PTPRD: variants seen among roughly 807,000 people sequenced by gnomAD.
The protein encoded by PTPRD is receptor-type tyrosine-protein phosphatase delta.
In PTPRD, 34 loss-of-function variants were observed where a neutral mutation model predicts 214.5. The observed-to-expected ratio is 0.16, with a 90% confidence interval of 0.12 to 0.21. The LOEUF is 0.21. PTPRD is among the 10% of genes least tolerant of loss of function. The pLI is 1.00. For missense variants in PTPRD, 2,545 were observed against 2,398.7 expected, an observed-to-expected ratio of 1.06 and a Z score of -1.27; for synonymous variants, 1,128 against 845.7, an observed-to-expected ratio of 1.33 and a Z score of -5.79.
intron 12 of PTPRD, among the ~76,000 whole-genome samples, chr9:8,641,898 G>A (rs915320016): frequency 6.6e-6 from 1 of 152,186 alleles, no homozygotes; most frequent in Non-Finnish European, 1.5e-5. Context: ...AAGACAAGGT[G>A]ATGAGCTCAA....
intron 8 of PTPRD, among the ~76,000 whole-genome samples, chr9:9,544,406 T>C (rs1387589521): frequency 1.3e-5 from 2 of 151,680 alleles, no homozygotes; most frequent in South Asian, 2.1e-4. Flanking sequence ...TTCATTTTGA[T>C]TTTTTAGGTA....
chr9:9,668,744 C>T (rs924416815), intron 7 of PTPRD, among the ~76,000 whole-genome samples: 7 of 152,016 alleles, frequency 4.6e-5, no homozygotes, highest in South Asian at 2.1e-4. Flanking sequence ...AACTGATTTT[C>T]GTTTCATCTT....
chr9:9,660,603 ATTAT>A (rs2096604604), intron 7 of PTPRD, among the ~76,000 whole-genome samples: 2 of 151,980 alleles, frequency 1.3e-5, no homozygotes, highest in African/African-American at 4.8e-5. Flanking sequence ...CCCTAATATG[ATTAT>A]TAAGTAGGCA....
chr9:10,138,339 A>G (rs1018904937), intron 3 of PTPRD, among the ~76,000 whole-genome samples: 1 of 152,086 alleles, frequency 6.6e-6, no homozygotes, highest in African/African-American at 2.4e-5. Context: ...TTGAACCATG[A>G]AAAAATTAAA....
At chr9:10,525,130 G>C (rs903861031) in intron 2 of PTPRD, among the ~76,000 whole-genome samples, 21 of 151,928 alleles carry the variant, frequency 1.4e-4, no homozygotes, top group African/African-American at 4.8e-4. Flanking sequence ...AGAGAATAAA[G>C]TTAGTACATT....
intron 5 of PTPRD, among the ~76,000 whole-genome samples, chr9:9,891,513 A>G (rs1314325369): frequency 6.6e-6 from 1 of 152,086 alleles, no homozygotes; most frequent in East Asian, 1.9e-4. Context: ...ATTTCTCTGC[A>G]TATTTACACT....
intron 14 of PTPRD, among the ~76,000 whole-genome samples, chr9:8,553,461 A>C (rs1374112150): frequency 2.6e-5 from 4 of 152,272 alleles, no homozygotes; most frequent in African/African-American, 9.6e-5. Flanking sequence ...GAATGCATTA[A>C]TTCCACTCTA....
Position 8,973,276 on chromosome 9 carries a change from G to A in PTPRD, c.-104+45421C>T, listed in dbSNP as rs146669588. 2.0e-3 allele frequency among the ~76,000 whole-genome samples: 308 copies of A among 151,800 alleles called. 2 individuals are homozygous for A. The highest frequency in any genetic ancestry group is 6.2e-3 in the African/African-American group (258 of 41,448). On this transcript the variant is annotated intron_variant, in intron 11 of 45. Transcript: ENST00000381196. ...TTTTTCCATATTTATGTCCCTGCGC[G>A]CTCAATGTTTAGCTCCCATTTATAG...
intron 9 of PTPRD, among the ~76,000 whole-genome samples, chr9:9,269,800 A>T (rs1447294079): frequency 6.6e-6 from 1 of 151,236 alleles, no homozygotes; most frequent in Non-Finnish European, 1.5e-5. Flanking sequence ...ATGCAATCTA[A>T]AAAAGATAAC....
chr9:8,543,320 C>T (rs2078974557), intron 14 of PTPRD, among the ~76,000 whole-genome samples: 1 of 152,240 alleles, frequency 6.6e-6, no homozygotes, highest in Non-Finnish European at 1.5e-5. Context: ...AAAGTTTTCT[C>T]AGCCTTGAAT....
intron 4 of PTPRD, among the ~76,000 whole-genome samples, chr9:10,026,022 T>C (rs568320486): frequency 6.6e-6 from 1 of 152,332 alleles, no homozygotes; most frequent in African/African-American, 2.4e-5. Flanking sequence ...TGGATCTCAG[T>C]AGAGTTCACC....
At chr9:9,157,706 T>C (rs987544825) in intron 10 of PTPRD, among the ~76,000 whole-genome samples, 2 of 151,744 alleles carry the variant, frequency 1.3e-5, no homozygotes, top group African/African-American at 4.8e-5. Context: ...TTCCCTTTTC[T>C]TTTTTTTTCT....
At chr9:9,087,435 G>T (rs1247050728) in intron 10 of PTPRD, among the ~76,000 whole-genome samples, 1 of 152,160 alleles carries the variant, frequency 6.6e-6, no homozygotes, top group Non-Finnish European at 1.5e-5. Flanking sequence ...GGTCCGGAAG[G>T]CAGCCACTGT....
intron 3 of PTPRD, among the ~76,000 whole-genome samples, chr9:10,191,401 T>C (rs1452327862): frequency 6.6e-6 from 1 of 152,060 alleles, no homozygotes; most frequent in East Asian, 1.9e-4. Flanking sequence ...ACTAATAATA[T>C]AGAAATTAAA....
intron 5 of PTPRD, among the ~76,000 whole-genome samples, chr9:9,888,943 G>A (rs146952585): frequency 1.3e-4 from 20 of 152,090 alleles, no homozygotes; most frequent in African/African-American, 3.6e-4. Flanking sequence ...AAAAATTTAT[G>A]GTATTAGCAC....
intron 9 of PTPRD, among the ~76,000 whole-genome samples, chr9:9,257,785 A>T (rs1171800377): frequency 6.6e-6 from 1 of 151,976 alleles, no homozygotes; most frequent in Non-Finnish European, 1.5e-5. Flanking sequence ...CCCTGTCTCA[A>T]TTAAAAAAAA....
chr9:9,656,811 T>C (rs1170554681), intron 7 of PTPRD, among the ~76,000 whole-genome samples: 1 of 152,116 alleles, frequency 6.6e-6, no homozygotes, highest in Non-Finnish European at 1.5e-5. Flanking sequence ...TTGTAACAAA[T>C]GTACTTCTCT....
chr9:9,787,898 T>C (rs904080277), intron 5 of PTPRD, among the ~76,000 whole-genome samples: 13 of 151,710 alleles, frequency 8.6e-5, no homozygotes, highest in Admixed American at 6.6e-5. Flanking sequence ...TCTCCTGCCT[T>C]AGCCTCCTAA....
At chr9:10,413,181 A>G (rs2098454696) in intron 2 of PTPRD, among the ~76,000 whole-genome samples, 1 of 151,728 alleles carries the variant, frequency 6.6e-6, no homozygotes, top group Non-Finnish European at 1.5e-5. Context: ...CTATCTCTGC[A>G]GATGACATGA....
Sources: gnomAD v4.1 joint callset for allele counts (sites outside exome capture counted in the v4.1 genomes callset) on GRCh38, gnomAD v4.1.1 for gene constraint, MANE v1.5 for transcripts, NCBI Gene and HGNC (gene_info 2026-07-23, HGNC 2026-07-21) for gene names.